The following RACGAP1 variants were observed in gnomAD, a reference collection of about 807,000 sequenced individuals.
RACGAP1 encodes rac GTPase-activating protein 1.
RACGAP1 carries 30 observed loss-of-function variants against 78.1 expected under a neutral mutation model. The observed-to-expected ratio is 0.38, with a 90% CI of 0.29 to 0.52. RACGAP1 has a LOEUF of 0.52. Among genes scored for constraint, RACGAP1 ranks in the 20% least tolerant of loss-of-function variants. The pLI is 0.82. For synonymous variants in RACGAP1, 231 were observed against 264.8 expected (o/e 0.87, Z 1.24); for missense variants, 587 against 777.1 (o/e 0.76, Z 2.91).
intron 2 of RACGAP1, among the ~76,000 whole-genome samples, chr12:50,011,207 G>A (rs550363405): frequency 2.0e-5 from 3 of 151,804 alleles, no homozygotes; most frequent in South Asian, 2.1e-4. Flanking sequence ...GGTGGCATGC[G>A]CCTGTAATCC....
intron 2 of RACGAP1, among the ~76,000 whole-genome samples, chr12:50,009,727 C>T (rs1175751338): frequency 6.6e-6 from 1 of 152,222 alleles, no homozygotes; most frequent in Admixed American, 6.5e-5. Context: ...CCTCCCACCA[C>T]TATGCAATAA....
chr12:50,000,011 C>G (rs1237993934), intron 7 of RACGAP1, among the ~76,000 whole-genome samples: 1 of 21,456 alleles, frequency 4.7e-5, no homozygotes, highest in African/African-American at 1.0e-4. Flanking sequence ...GCCACCACAC[C>G]TGACTGATTT....
At position 49,997,055 on chromosome 12, in the gene RACGAP1, A is replaced by T. The variant is rs749570297; in HGVS notation, c.1029T>A (p.Pro343=). 2.6e-6 allele frequency: 4 copies of T among 1,551,678 alleles called. No homozygotes were observed. Among genetic ancestry groups the T allele is most frequent in the Non-Finnish European group, 3.5e-6 (4 of 1,139,682 alleles). ...TAAGTCATACCTCTCCAATCTTGAC[A>T]GGTGTTCCTATCAGGGTAGGAATGC... The part of the protein sequence containing the change: ...LPCIPTLIGT[P]VKIGEGMLAD... The change falls in exon 10 of 17, where the codon CCT becomes CCA. Residue 343 remains proline, a synonymous_variant. Transcript: ENST00000312377.
intron 5 of RACGAP1, 121 bp from the exon 6 acceptor site, chr12:50,002,421 G>A (rs928592795): frequency 1.5e-5 from 11 of 734,536 alleles, no homozygotes; most frequent in East Asian, 2.7e-5. Context: ...CGTACAATTC[G>A]GGGAGGGTTA....
At chr12:50,012,452 T>G (rs1949401335) in intron 2 of RACGAP1, among the ~76,000 whole-genome samples, 1 of 151,888 alleles carries the variant, frequency 6.6e-6, no homozygotes, top group Non-Finnish European at 1.5e-5. Context: ...TCCCAGCTAC[T>G]CGGGAGGCTG....
chr12:50,021,034 G>T (rs1257541518), intron 1 of RACGAP1: 21 of 824,052 alleles, frequency 2.5e-5, no homozygotes, highest in Non-Finnish European at 3.1e-5. Context: ...CAGCCAAATT[G>T]TAACTCAAAA....
At chr12:50,028,378 C>T (rs1003094115), upstream of RACGAP1, among the ~76,000 whole-genome samples, 2 of 152,218 alleles carry the variant, frequency 1.3e-5, no homozygotes, top group Non-Finnish European at 2.9e-5. Flanking sequence ...CACTTTTCTC[C>T]TTCCCCCTGT....
chr12:49,997,033 G>A lies in RACGAP1; in HGVS notation c.1044+7C>T, dbSNP rs746072811. 7.3e-6 allele frequency: 11 copies of A among 1,510,738 alleles called. No homozygotes were observed. In the Admixed American group the frequency reaches 1.4e-4, roughly 19 times the overall value. The allele number at this position is 1,510,738 out of a possible 1,614,324, so 93.6% of individuals were successfully genotyped here. Reference sequence around the variant, plus strand: ...CATAAAACAATGACGGCTTGCATAAGTCATACCTCTCCAATCTTGACAGGT... The same window carrying A: ...CATAAAACAATGACGGCTTGCATAAATCATACCTCTCCAATCTTGACAGGT... On this transcript the variant is annotated splice_region_variant and intron_variant, in intron 10 of 16. Transcript: ENST00000312377.
chr12:50,028,334 T>C (rs1161144371), upstream of RACGAP1, among the ~76,000 whole-genome samples: 3 of 152,170 alleles, frequency 2.0e-5, no homozygotes, highest in African/African-American at 7.2e-5. Flanking sequence ...AATTACTGAG[T>C]GAAACTCCTA....
chr12:49,990,111 T>C lies in RACGAP1; in HGVS notation c.*157A>G, dbSNP rs1947732567. 1.8e-6 allele frequency: 1 copy of C among 544,998 alleles called. No homozygotes were observed. Among genetic ancestry groups the C allele is most frequent in the East Asian group, 2.8e-5 (1 of 36,100 alleles). The allele number at this position is 544,998 out of a possible 1,614,324, so 33.8% of individuals were successfully genotyped here. A position where few individuals can be genotyped will look rare whatever the true frequency, so the allele number is the denominator to read the frequency against. ...ACTTGAGGAGAAGGAAGGGGAGATA[T>C]ATATAGTTTTAATAAAACCCTCATG... is the stretch of plus-strand genomic sequence containing the variant. On this transcript the variant is annotated 3_prime_UTR_variant, in exon 17 of 17. Coordinates refer to ENST00000312377, the MANE Select transcript of RACGAP1 (RefSeq NM_001319999.2).
chr12:50,000,373 A>C (rs908991553), intron 7 of RACGAP1, among the ~76,000 whole-genome samples: 1 of 151,710 alleles, frequency 6.6e-6, no homozygotes, highest in African/African-American at 2.4e-5. Flanking sequence ...GCTGGTCTCG[A>C]ACTCCTGACC....
intron 7 of RACGAP1, 43 bp downstream of exon 7, chr12:50,001,129 T>C: frequency 6.9e-7 from 1 of 1,439,032 alleles, no homozygotes; most frequent in Non-Finnish European, 9.7e-7. Flanking sequence ...GTTTTAATGC[T>C]TGGGGCCAGT....
intron 16 of RACGAP1, 38 bp downstream of exon 16, chr12:49,990,646 G>A (rs772648785): frequency 2.7e-6 from 4 of 1,468,622 alleles, no homozygotes; most frequent in Non-Finnish European, 3.8e-6. Flanking sequence ...TAAGAAAGTA[G>A]TTGTTTTTTA....
At chr12:50,018,459 G>T in intron 1 of RACGAP1, 1 of 1,020,178 alleles carries the variant, frequency 9.8e-7, no homozygotes, top group Non-Finnish European at 1.3e-6. Flanking sequence ...GGCAGGAAGA[G>T]CTGTGGAATT....
intron 10 of RACGAP1, 140 bp from the exon 11 acceptor site, chr12:49,994,649 A>G: frequency 7.5e-7 from 1 of 1,341,506 alleles, no homozygotes; most frequent in Non-Finnish European, 9.9e-7. Context: ...CCCAAAGCAT[A>G]TATTAAAACA....
At chr12:50,012,418 A>G (rs1949398580) in intron 2 of RACGAP1, among the ~76,000 whole-genome samples, 2 of 151,264 alleles carry the variant, frequency 1.3e-5, no homozygotes, top group South Asian at 4.2e-4. Flanking sequence ...AAAATTAGCC[A>G]GGCGTGGTGG....
chr12:50,002,300 C>T lies in RACGAP1; in HGVS notation c.496G>A (p.Asp166Asn), dbSNP rs1948730659. ...ISFDKTDESL[D>N]WDSSLVKTFK... Reference sequence around the variant, plus strand: ...GTCTTCACCAAAGAAGAGTCCCAATCCTGTTGACAATTACACTGTATTAAT... The same window carrying T: ...GTCTTCACCAAAGAAGAGTCCCAATTCTGTTGACAATTACACTGTATTAAT... Residue 166 changes from aspartate (D) to asparagine (N), a missense_variant and splice_region_variant, in exon 6 of 17, where the codon GAT becomes AAT. Coordinates refer to ENST00000312377, the MANE Select transcript of RACGAP1 (RefSeq NM_001319999.2). 6.2e-7 allele frequency: 1 copy of T among 1,613,012 alleles called. No homozygotes were observed. The highest frequency in any genetic ancestry group is 1.1e-5 in the South Asian group (1 of 91,024).
In RACGAP1 at chr12:49,991,469, ATATATATATATTTTTTTTTTTT is replaced by A. The variant is rs1370153568; in HGVS notation, c.1714+507_1714+528del. ...TATATTTAAACTATTATATATATAT[ATATATATATATTTTTTTTTTTT>A]TTTTTTTTTTTTTTTTAGACAGAGT... On this transcript the variant is annotated intron_variant, in intron 15 of 16. Coordinates refer to ENST00000312377, the MANE Select transcript of RACGAP1 (RefSeq NM_001319999.2). Among the ~76,000 whole-genome samples, 21 of 25,552 alleles carry A rather than the reference ATATATATATATTTTTTTTTTTT, an allele frequency of 8.2e-4. 1 individual carries two copies. Among genetic ancestry groups the A allele is most frequent in the Non-Finnish European group, 1.9e-3 (15 of 8,066 alleles). 16.8% of individuals were successfully genotyped at this position (25,552 alleles called of 152,430 possible).
In RACGAP1 at chr12:50,002,303, G is replaced by A. The variant is rs1948731017; in HGVS notation, c.496-3C>T. ...TTCACCAAAGAAGAGTCCCAATCCT[G>A]TTGACAATTACACTGTATTAATTTC... On this transcript the variant is annotated splice_polypyrimidine_tract_variant and splice_region_variant and intron_variant, in intron 5 of 16. Transcript: ENST00000312377. 1 of 1,612,136 alleles carries A rather than the reference G, an allele frequency of 6.2e-7. No homozygotes were observed.
Sources: allele counts gnomAD v4.1 joint callset (sites outside exome capture counted in the v4.1 genomes callset), GRCh38; gene constraint gnomAD v4.1.1; transcripts MANE v1.5; gene names NCBI Gene and HGNC (gene_info 2026-07-23, HGNC 2026-07-21).